CSGALNACT1: variants seen among roughly 807,000 people sequenced by gnomAD.
CSGALNACT1 encodes the protein beta4GalNAcT-1.
In CSGALNACT1, 52 loss-of-function variants were observed where a neutral mutation model predicts 51.0. The observed-to-expected ratio is 1.02, with a 90% CI of 0.82 to 1.29. CSGALNACT1 has a LOEUF of 1.29. CSGALNACT1 is among the 50% of genes most tolerant of loss of function. CSGALNACT1 has a pLI of 0.00. For missense variants in CSGALNACT1, 935 were observed against 679.2 expected (o/e 1.38, Z -4.19); for synonymous variants, 341 against 254.4 (o/e 1.34, Z -3.24).
intron 3 of CSGALNACT1, among the ~76,000 whole-genome samples, chr8:19,526,995 T>A (rs182404209): frequency 1.3e-4 from 20 of 152,352 alleles, no homozygotes; most frequent in Non-Finnish European, 1.9e-4. Flanking sequence ...CGTATCTATA[T>A]GACTCACTAC....
chr8:19,601,204 T>A (rs571977434), intron 2 of CSGALNACT1, among the ~76,000 whole-genome samples: 61 of 152,334 alleles, frequency 4.0e-4, no homozygotes, highest in Middle Eastern at 3.4e-3. Context: ...GTCCCCGGAC[T>A]AAAACCAAGC....
At chr8:19,595,226 C>T (rs1422636314) in intron 2 of CSGALNACT1, among the ~76,000 whole-genome samples, 1 of 152,262 alleles carries the variant, frequency 6.6e-6, no homozygotes, top group East Asian at 1.9e-4. Context: ...GAAAAAAAGG[C>T]TAGAACCTCA....
At chr8:19,662,207 A>C (rs1424261633) in intron 1 of CSGALNACT1, among the ~76,000 whole-genome samples, 4 of 151,460 alleles carry the variant, frequency 2.6e-5, no homozygotes, top group Admixed American at 6.6e-5. Flanking sequence ...AACATGGTGA[A>C]ACCCCATCTC....
At chr8:19,415,603 C>G (rs1306357855) in intron 8 of CSGALNACT1, among the ~76,000 whole-genome samples, 2 of 152,168 alleles carry the variant, frequency 1.3e-5, no homozygotes, top group Non-Finnish European at 2.9e-5. Context: ...CTTCGCAACT[C>G]CTACCCTGCA....
intron 1 of CSGALNACT1, among the ~76,000 whole-genome samples, chr8:19,737,439 T>C (rs774667248): frequency 6.6e-6 from 1 of 152,178 alleles, no homozygotes; most frequent in Non-Finnish European, 1.5e-5. Context: ...ATCACAGTTT[T>C]CTAATACTTT....
At chr8:19,515,864 G>T (rs2079424144) in intron 3 of CSGALNACT1, among the ~76,000 whole-genome samples, 1 of 152,154 alleles carries the variant, frequency 6.6e-6, no homozygotes, top group African/African-American at 2.4e-5. Flanking sequence ...CAGGTAGTTG[G>T]CATGGGTGGT....
intron 1 of CSGALNACT1, among the ~76,000 whole-genome samples, chr8:19,641,313 G>C (rs1162941060): frequency 6.6e-6 from 1 of 151,894 alleles, no homozygotes; most frequent in African/African-American, 2.4e-5. Flanking sequence ...GATAACAGAT[G>C]GAAGTTAGTT....
exon 10 of CSGALNACT1, chr8:19,405,645 C>T (rs758112104): frequency 1.1e-5 from 13 of 1,162,952 alleles, no homozygotes; most frequent in African/African-American, 9.1e-5. Context: ...AGAGAGAAAT[C>T]GGAGGCTTTC....
At chr8:19,754,952 T>C (rs1442951276) in intron 1 of CSGALNACT1, among the ~76,000 whole-genome samples, 9 of 152,194 alleles carry the variant, frequency 5.9e-5, no homozygotes, top group Admixed American at 5.9e-4. Flanking sequence ...CCCTAATATA[T>C]AGTAGGGCTA....
intron 4 of CSGALNACT1, among the ~76,000 whole-genome samples, chr8:19,477,022 A>C (rs1198571428): frequency 6.6e-6 from 1 of 152,112 alleles, no homozygotes; most frequent in African/African-American, 2.4e-5. Flanking sequence ...GGTAATAATA[A>C]CTCACTAAAA....
chr8:19,420,529 A>G lies in CSGALNACT1; in HGVS notation c.954-11T>C. 1.2e-6 allele frequency: 2 copies of G among 1,613,458 alleles called. No homozygotes were observed. The highest frequency in any genetic ancestry group is 1.7e-6 in the Non-Finnish European group (2 of 1,179,872). The stretch of plus-strand genomic sequence containing the variant: ...CTGAAGTTGGCAGCTCTGAAAGGCA[A>G]GACCAGGTACTGTCACTCACATTCC... On this transcript the variant is annotated splice_polypyrimidine_tract_variant and intron_variant, in intron 6 of 9. Transcript: ENST00000454498.
intron 5 of CSGALNACT1, among the ~76,000 whole-genome samples, chr8:19,448,736 T>C (rs370609580): frequency 1.3e-5 from 2 of 152,266 alleles, no homozygotes; most frequent in Middle Eastern, 3.4e-3. Context: ...GGAAATCACA[T>C]CACCATTCTT....
At chr8:19,440,312 T>A (rs958410016) in intron 5 of CSGALNACT1, among the ~76,000 whole-genome samples, 8 of 151,954 alleles carry the variant, frequency 5.3e-5, no homozygotes, top group African/African-American at 1.7e-4. Context: ...GATGCAAAAA[T>A]CCTCAATAAA....
intron 6 of CSGALNACT1, among the ~76,000 whole-genome samples, chr8:19,438,009 T>G (rs1177166895): frequency 6.6e-6 from 1 of 152,098 alleles, no homozygotes; most frequent in Admixed American, 6.6e-5. Context: ...CTACAAGGGG[T>G]CTAAACTGTC....
chr8:19,699,690 G>C (rs911360466), intron 1 of CSGALNACT1, among the ~76,000 whole-genome samples: 4 of 152,346 alleles, frequency 2.6e-5, no homozygotes, highest in African/African-American at 9.6e-5. Context: ...GCAAGATGAA[G>C]AGTTCTAGAA....
chr8:19,566,990 G>A (rs927610331), intron 3 of CSGALNACT1, among the ~76,000 whole-genome samples: 2 of 152,184 alleles, frequency 1.3e-5, no homozygotes, highest in Non-Finnish European at 2.9e-5. Context: ...GCTCTGTGCT[G>A]CCTGCAGAAG....
At chr8:19,464,568 C>T (rs375347507) in intron 4 of CSGALNACT1, among the ~76,000 whole-genome samples, 8 of 152,108 alleles carry the variant, frequency 5.3e-5, no homozygotes, top group African/African-American at 1.4e-4. Flanking sequence ...GGTACCAGTC[C>T]GTGGCCTGTT....
chr8:19,477,974 A>G (rs2070198559), intron 4 of CSGALNACT1, among the ~76,000 whole-genome samples: 1 of 152,182 alleles, frequency 6.6e-6, no homozygotes, highest in African/African-American at 2.4e-5. Flanking sequence ...AGAGTAACAC[A>G]GTTTCCAGGG....
chr8:19,666,857 GAAA>G (rs2059277420), intron 1 of CSGALNACT1, among the ~76,000 whole-genome samples: 2 of 120,074 alleles, frequency 1.7e-5, no homozygotes, highest in Non-Finnish European at 3.3e-5. Context: ...AAGAAAGAAA[GAAA>G]GAAAGAAAGA....
Sources: gnomAD v4.1 joint callset for allele counts (sites outside exome capture counted in the v4.1 genomes callset) on GRCh38, gnomAD v4.1.1 for gene constraint, MANE v1.5 for transcripts, NCBI Gene and HGNC (gene_info 2026-07-23, HGNC 2026-07-21) for gene names.